The following DAG1 variants were observed in gnomAD, a reference collection of about 807,000 sequenced individuals.
DAG1 encodes the protein dystroglycan 1 (dystrophin-associated glycoprotein 1).
Under a neutral mutation model 46.1 loss-of-function variants are expected in DAG1, and 8 were observed. That is an observed-to-expected ratio of 0.17 (90% CI 0.10 to 0.31). DAG1 has a LOEUF of 0.31. DAG1 is among the 10% of genes least tolerant of loss of function. The pLI, the probability that DAG1 is intolerant of heterozygous loss-of-function variation, is 1.00. For missense variants in DAG1, 1,003 were observed against 1,189.9 expected (o/e 0.84, Z 2.31); for synonymous variants, 495 against 481.8 (o/e 1.03, Z -0.36).
At chr3:49,478,418 G>A (rs2049750417) in intron 1 of DAG1, among the ~76,000 whole-genome samples, 1 of 101,678 alleles carries the variant, frequency 9.8e-6, no homozygotes, top group Non-Finnish European at 1.8e-5. Flanking sequence ...AACAAAGAGA[G>A]ACCCTGTCTC....
intron 2 of DAG1, among the ~76,000 whole-genome samples, chr3:49,525,012 C>G (rs534070998): frequency 5.1e-4 from 78 of 151,810 alleles, no homozygotes; most frequent in Non-Finnish European, 9.4e-4. Flanking sequence ...GAATCATTGC[C>G]ACTCAAAGTG....
intron 2 of DAG1, 43 bp from the exon 3 acceptor site, chr3:49,530,754 C>T (rs762055477): frequency 4.3e-6 from 7 of 1,613,542 alleles, no homozygotes; most frequent in Non-Finnish European, 5.1e-6. Flanking sequence ...TCAGGTTATG[C>T]AGTGACAATA....
chr3:49,515,008 C>T (rs1011752471), intron 2 of DAG1, among the ~76,000 whole-genome samples: 20 of 152,288 alleles, frequency 1.3e-4, no homozygotes, highest in South Asian at 2.1e-4. Context: ...TACAGGCATG[C>T]GCCACCACAC....
At position 49,530,814 on chromosome 3, in the gene DAG1, G is replaced by A. The variant is rs753476645; in HGVS notation, c.303G>A (p.Lys101=). 3 of 1,614,190 alleles carry A rather than the reference G, an allele frequency of 1.9e-6. No homozygotes were observed. In the South Asian group the frequency reaches 3.3e-5, roughly 18 times the overall value. ...GDIIKVSAAG[K]EALPSWLHWD... ...TCTTCTAGGTATCAGCGGCAGGGAA[G>A]GAGGCTTTGCCATCTTGGCTGCACT... The change falls in exon 3 of 3, where the codon AAG becomes AAA. Residue 101 remains lysine, a synonymous_variant. Coordinates refer to ENST00000308775, the MANE Select transcript of DAG1 (RefSeq NM_004393.6).
intron 1 of DAG1, among the ~76,000 whole-genome samples, chr3:49,490,054 C>G (rs2050140658): frequency 6.6e-6 from 1 of 152,150 alleles, no homozygotes. Context: ...TCTCTTACCA[C>G]TTGTTTTTTT....
Position 49,470,330 on chromosome 3 carries a change from T to TGGC in DAG1, c.-210_-208dup, listed in dbSNP as rs1029432659. The TGGC allele has an allele frequency of 1.7e-4, 26 of 152,574 alleles. No homozygotes were observed. The highest frequency in any genetic ancestry group is 6.5e-4 in the Admixed American group (10 of 15,294). The allele number at this position is 152,574 out of a possible 1,614,324, so 9.5% of individuals were successfully genotyped here. On this transcript the variant is annotated 5_prime_UTR_variant, in exon 1 of 3. Coordinates refer to ENST00000308775, the MANE Select transcript of DAG1 (RefSeq NM_004393.6). The stretch of plus-strand genomic sequence containing the variant: ...CGCTCGCGCCTCTTAGGCTTGGCGG[T>TGGC]GGCGGCGGCGGCAGCTTCGCGCCGA...
chr3:49,532,704 G>A lies in DAG1; in HGVS notation c.2193G>A (p.Ala731=), dbSNP rs1258744347. The change falls in exon 3 of 3, where the codon GCG becomes GCA. Residue 731 remains alanine (A), a synonymous_variant. Transcript: ENST00000308775. The surrounding 1 kb of genome is among the most constrained non-coding windows in gnomAD (Gnocchi z 5.4). ...CACCCAGGAGAGTGCCCTCAGAGGC[G>A]CCGCCCACAGAAGTGCCTGACAGGG... ...VVPPRRVPSE[A]PPTEVPDRDP... 6.8e-6 allele frequency: 11 copies of A among 1,614,014 alleles called. No individual in the cohort carries two copies. The highest frequency in any genetic ancestry group is 2.7e-5 in the African/African-American group (2 of 74,934).
intron 1 of DAG1, among the ~76,000 whole-genome samples, chr3:49,483,379 A>G (rs2049935803): frequency 6.6e-6 from 1 of 151,640 alleles, no homozygotes; most frequent in Admixed American, 6.6e-5. Flanking sequence ...TAATTTTTGT[A>G]TTTTTAGTAG....
At chr3:49,528,274 G>GTTTTT (rs1559575548) in intron 2 of DAG1, among the ~76,000 whole-genome samples, 7 of 60,316 alleles carry the variant, frequency 1.2e-4, no homozygotes, top group Non-Finnish European at 2.1e-4. Context: ...GAAATAGTGT[G>GTTTTT]ATTTTTTTTT....
At chr3:49,505,040 G>A (rs1329360975) in intron 1 of DAG1, among the ~76,000 whole-genome samples, 1 of 150,742 alleles carries the variant, frequency 6.6e-6, no homozygotes, top group Admixed American at 6.6e-5. Flanking sequence ...CCGTTGCCCA[G>A]GCTGGAGTGC....
intron 1 of DAG1, among the ~76,000 whole-genome samples, chr3:49,480,433 G>A (rs886581883): frequency 2.7e-5 from 4 of 150,232 alleles, no homozygotes; most frequent in South Asian, 2.1e-4. Flanking sequence ...CTGCCACCAC[G>A]CCCGGCTAAT....
intron 1 of DAG1, among the ~76,000 whole-genome samples, chr3:49,503,742 C>T (rs191839366): frequency 4.0e-5 from 6 of 151,276 alleles, no homozygotes; most frequent in African/African-American, 1.2e-4. Context: ...GTGGGAGGAT[C>T]GCGTGAGCCC....
rs569973212 is a variant in DAG1, at chr3:49,533,302, C to T, written c.*103C>T. On this transcript the variant is annotated 3_prime_UTR_variant, in exon 3 of 3. Coordinates refer to ENST00000308775, the MANE Select transcript of DAG1 (RefSeq NM_004393.6). The stretch of plus-strand genomic sequence containing the variant: ...CTGCAGACCATTGCCCACCGGGAGC[C>T]GACACCTGACCTAGCACACACTGAC... The T allele has an allele frequency of 1.9e-5, 29 of 1,523,258 alleles. No homozygotes were observed. The highest frequency in any genetic ancestry group is 3.4e-4 in the Middle Eastern group (2 of 5,952). The allele number at this position is 1,523,258 out of a possible 1,614,324, so 94.4% of individuals were successfully genotyped here.
At chr3:49,495,088 TTC>T (rs1296701319) in intron 1 of DAG1, among the ~76,000 whole-genome samples, 1 of 152,132 alleles carries the variant, frequency 6.6e-6, no homozygotes. Flanking sequence ...TCTCCCCCTT[TTC>T]TCTCAAGGGA....
In DAG1 at chr3:49,534,137, A is replaced by G. The variant is rs552068222; in HGVS notation, c.*938A>G. 4 of 152,114 alleles carry G rather than the reference A, an allele frequency of 2.6e-5. No homozygotes were observed. The highest frequency in any genetic ancestry group is 1.9e-4 in the East Asian group (1 of 5,178). The allele number at this position is 152,114 out of a possible 1,614,324, so 9.4% of individuals were successfully genotyped here. A position where few individuals can be genotyped will look rare whatever the true frequency, so the allele number is the denominator to read the frequency against. On this transcript the variant is annotated 3_prime_UTR_variant, in exon 3 of 3. Coordinates refer to ENST00000308775, the MANE Select transcript of DAG1 (RefSeq NM_004393.6). ...GCTTGTGGGGGCACCTGGGAGGTCA[A>G]AGGTCTCCACCACATCAACCTATTT...
At chr3:49,469,586 G>A (rs1472829736), upstream of DAG1, among the ~76,000 whole-genome samples, 1 of 152,186 alleles carries the variant, frequency 6.6e-6, no homozygotes, top group East Asian at 1.9e-4. Context: ...GTTCCAGGCA[G>A]GGGGAGGGGA....
chr3:49,532,224 C>T lies in DAG1; in HGVS notation c.1713C>T (p.Gly571=), dbSNP rs1213218644. The change falls in exon 3 of 3, where the codon GGC becomes GGT. Residue 571 remains glycine (G), a synonymous_variant. Coordinates refer to ENST00000308775, the MANE Select transcript of DAG1 (RefSeq NM_004393.6). The surrounding 1 kb of genome is among the most constrained non-coding windows in gnomAD (Gnocchi z 5.4). ...MYGLPDSSHV[G]KHEYFMHATD... is the part of the protein sequence containing the mutation. ...GCCTTCCCGACAGCAGCCACGTGGG[C>T]AAACACGAGTATTTCATGCATGCCA... The T allele has an allele frequency of 6.8e-6, 11 of 1,614,058 alleles. No individual in the cohort carries two copies. The highest frequency in any genetic ancestry group is 9.3e-6 in the Non-Finnish European group (11 of 1,179,904).
In DAG1 at chr3:49,531,977, G is replaced by C. The variant is rs373379560; in HGVS notation, c.1466G>C (p.Arg489Pro). Residue 489 changes from arginine to proline, a missense_variant, in exon 3 of 3, where the codon CGT (arginine) becomes CCT (proline). Arg to Pro is a moderately radical substitution (Grantham distance 103). This residue lies in a region of DAG1 where 755 missense variants were observed against 854.1 expected (regional missense o/e 0.88). Transcript: ENST00000308775. This position sits in a 1 kb window ranked among gnomAD's most constrained non-coding sequence, Gnocchi z 7.0. ...RIRTTTSGVP[R>P]GGEPNQRPEL... ...CGCACCACCACCAGTGGAGTGCCCC[G>C]TGGCGGAGAACCCAACCAGCGCCCA... The C allele has an allele frequency of 6.2e-7, 1 of 1,614,170 alleles. No individual in the cohort carries two copies. Among genetic ancestry groups the C allele is most frequent in the African/African-American group, 1.3e-5 (1 of 75,038 alleles).
chr3:49,504,915 T>C (rs1232626673), intron 1 of DAG1, among the ~76,000 whole-genome samples: 3 of 149,882 alleles, frequency 2.0e-5, no homozygotes, highest in African/African-American at 7.4e-5. Context: ...CCAGCTGTAT[T>C]CCCTATTATA....
Sources: gnomAD v4.1 joint callset for allele counts (sites outside exome capture counted in the v4.1 genomes callset) on GRCh38, gnomAD v4.1.1 for gene constraint, gnomAD v4.1.1 regional missense constraint, Gnocchi (gnomAD v3.1) non-coding constraint, MANE v1.5 for transcripts, NCBI Gene and HGNC (gene_info 2026-07-23, HGNC 2026-07-21) for gene names.